The following ASB5 variants were observed in gnomAD, a reference collection of about 807,000 sequenced individuals.
The protein encoded by ASB5 is ankyrin repeat and SOCS box containing 5, also known as ankyrin repeat and SOCS box protein 5.
Under a neutral mutation model 42.1 loss-of-function variants are expected in ASB5, and 45 were observed. The observed-to-expected ratio is 1.07, with a 90% CI of 0.84 to 1.37. ASB5 has a LOEUF of 1.37. Among genes scored for constraint, ASB5 ranks in the 40% most tolerant of loss-of-function variants. The pLI is 0.00. For missense variants in ASB5, 402 were observed against 399.8 expected, an observed-to-expected ratio of 1.01 and a Z score of -0.05; for synonymous variants, 147 against 150.6, an observed-to-expected ratio of 0.98 and a Z score of 0.18.
upstream of ASB5, chr4:176,269,317 A>C (rs926147267): frequency 6.8e-5 from 26 of 383,820 alleles, no homozygotes; most frequent in African/African-American, 4.3e-4. Context: ...CAATTGCATC[A>C]CGTGTCACAA....
intron 1 of ASB5, among the ~76,000 whole-genome samples, chr4:176,264,554 G>A (rs560391442): frequency 1.3e-5 from 2 of 152,180 alleles, no homozygotes; most frequent in South Asian, 2.1e-4. Context: ...TAAATCAAAT[G>A]CAAGACTAGA....
intron 1 of ASB5, among the ~76,000 whole-genome samples, chr4:176,246,589 C>A (rs17679314): frequency 1.3e-5 from 2 of 152,100 alleles, no homozygotes; most frequent in Non-Finnish European, 2.9e-5. Flanking sequence ...AATAATGATA[C>A]GGGGAATGCT....
chr4:176,229,276 G>T (rs932630047), intron 1 of ASB5, among the ~76,000 whole-genome samples: 2 of 152,138 alleles, frequency 1.3e-5, no homozygotes, highest in African/African-American at 4.8e-5. Flanking sequence ...ATGTTGTTGG[G>T]AATGTAAAGG....
In ASB5 at chr4:176,215,071, GT is replaced by G. The variant is rs1752931369; in HGVS notation, c.*528del. ...GGGGGGCAATTTATCTTTATGAAGTGTTCATTCTAATGACCAGTGGACATTC... is the reference window on the plus strand; with the variant it reads ...GGGGGGCAATTTATCTTTATGAAGTGTCATTCTAATGACCAGTGGACATTC... On this transcript the variant is annotated 3_prime_UTR_variant, in exon 7 of 7. Transcript: ENST00000296525. The G allele has an allele frequency of 6.6e-6, 1 of 152,348 alleles. No individual in the cohort carries two copies. Among genetic ancestry groups the G allele is most frequent in the Admixed American group, 6.6e-5 (1 of 15,246 alleles). The allele number at this position is 152,348 out of a possible 1,614,324, so 9.4% of individuals were successfully genotyped here.
intron 1 of ASB5, among the ~76,000 whole-genome samples, chr4:176,261,568 T>TTTTTTTCTTTATATTTA (rs1379957291): frequency 6.6e-6 from 1 of 152,190 alleles, no homozygotes; most frequent in African/African-American, 2.4e-5. Flanking sequence ...ACTTTTCCTC[T>TTTTTTTCTTTATATTTA]TTTTTTCTTT....
chr4:176,265,849 A>G (rs533762849), intron 1 of ASB5, among the ~76,000 whole-genome samples: 3 of 152,342 alleles, frequency 2.0e-5, no homozygotes, highest in South Asian at 2.1e-4. Flanking sequence ...GATTGTAATC[A>G]GGACACTTAG....
intron 1 of ASB5, among the ~76,000 whole-genome samples, chr4:176,257,373 A>G (rs1754175483): frequency 6.6e-6 from 1 of 152,206 alleles, no homozygotes; most frequent in Admixed American, 6.5e-5. Context: ...TTCTGTCAAG[A>G]AAAGTTTCTT....
chr4:176,277,307 C>A (rs1220594410), exon 1 of ASB5: 1 of 152,206 alleles, frequency 6.6e-6, no homozygotes, highest in African/African-American at 2.4e-5. Context: ...ATCTCTTGAG[C>A]GCTTCCCGTG....
At chr4:176,220,920 T>C (rs145897382) in intron 5 of ASB5, among the ~76,000 whole-genome samples, 2 of 152,294 alleles carry the variant, frequency 1.3e-5, no homozygotes, top group East Asian at 3.9e-4. Flanking sequence ...ATGCAAAATA[T>C]AGAGATTATG....
upstream of ASB5, among the ~76,000 whole-genome samples, chr4:176,270,106 G>A (rs1337713582): frequency 6.6e-6 from 1 of 152,030 alleles, no homozygotes; most frequent in Non-Finnish European, 1.5e-5. Context: ...AAGAGAAATA[G>A]AATAAATTAT....
intron 1 of ASB5, 80 bp downstream of exon 1, chr4:176,268,833 T>C: frequency 4.1e-6 from 5 of 1,206,988 alleles, no homozygotes; most frequent in Non-Finnish European, 5.6e-6. Context: ...CTTGAAGCAG[T>C]CTAAAAAGAA....
Position 176,241,705 on chromosome 4 carries a change from T to C in ASB5, c.197-16364A>G, listed in dbSNP as rs1383163142. On this transcript the variant is annotated intron_variant, in intron 1 of 6. Coordinates refer to ENST00000296525, the MANE Select transcript of ASB5 (RefSeq NM_080874.4). ...GGCAGATGAGGTCTGAGAGTAAGCC[T>C]GACATAAGCATCTTGGAAAAAAAAT... 5 of 1,272,244 alleles carry C rather than the reference T, an allele frequency of 3.9e-6. No individual in the cohort carries two copies. In the African/African-American group the frequency reaches 6.1e-5, roughly 15 times the overall value. 78.8% of individuals were successfully genotyped at this position (1,272,244 alleles called of 1,614,324 possible). A position where few individuals can be genotyped will look rare whatever the true frequency, so the allele number is the denominator to read the frequency against.
intron 1 of ASB5, among the ~76,000 whole-genome samples, chr4:176,253,722 C>T (rs144407208): frequency 5.3e-4 from 81 of 152,266 alleles, no homozygotes; most frequent in African/African-American, 1.8e-3. Flanking sequence ...CAAAAATCAG[C>T]AGCATTTCTA....
intron 1 of ASB5, among the ~76,000 whole-genome samples, chr4:176,232,768 C>T (rs1753582298): frequency 1.3e-5 from 2 of 152,182 alleles, no homozygotes. Context: ...ACATCTTTCT[C>T]TTAAGACTAG....
chr4:176,244,320 A>G (rs1240559634), intron 1 of ASB5, among the ~76,000 whole-genome samples: 2 of 152,232 alleles, frequency 1.3e-5, no homozygotes, highest in Admixed American at 1.3e-4. Flanking sequence ...TACATGCTTC[A>G]TACACCAAAG....
At chr4:176,229,135 T>C (rs558328851) in intron 1 of ASB5, among the ~76,000 whole-genome samples, 1 of 152,316 alleles carries the variant, frequency 6.6e-6, no homozygotes, top group South Asian at 2.1e-4. Context: ...ATGATCAGTT[T>C]CCCTCTTGTA....
intron 5 of ASB5, among the ~76,000 whole-genome samples, chr4:176,220,514 G>T (rs900283728): frequency 2.6e-5 from 4 of 152,136 alleles, no homozygotes; most frequent in Admixed American, 6.6e-5. Flanking sequence ...GGAAAAAAAG[G>T]TATGATCCAA....
intron 1 of ASB5, among the ~76,000 whole-genome samples, chr4:176,236,223 C>T (rs191655958): frequency 3.3e-5 from 5 of 151,714 alleles, no homozygotes; most frequent in Non-Finnish European, 4.4e-5. Context: ...CTAATGCCTG[C>T]GGTTTAGTGC....
intron 1 of ASB5, among the ~76,000 whole-genome samples, chr4:176,228,999 A>T (rs1414337359): frequency 6.6e-6 from 1 of 152,236 alleles, no homozygotes; most frequent in Non-Finnish European, 1.5e-5. Context: ...CTAACTTTGC[A>T]AACAGATTGC....
Sources: gnomAD v4.1 joint callset for allele counts (sites outside exome capture counted in the v4.1 genomes callset) on GRCh38, gnomAD v4.1.1 for gene constraint, MANE v1.5 for transcripts, NCBI Gene and HGNC (gene_info 2026-07-23, HGNC 2026-07-21) for gene names.